Variants in PPIF observed in about 807,000 individuals in gnomAD.
PPIF encodes the protein peptidylprolyl isomerase F.
PPIF carries 23 observed loss-of-function variants against 20.2 expected under a neutral mutation model. The ratio of observed to expected loss-of-function variants is 1.14; its 90% CI spans 0.82 to 1.61. The LOEUF is 1.61. Ranked by LOEUF, PPIF falls within the 40% of genes most tolerant of loss-of-function variation. The probability of loss-of-function intolerance (pLI) is 0.00; values close to 1 mark genes in which losing one functional copy is unlikely to be tolerated. For missense variants in PPIF, 287 were observed against 291.6 expected (o/e 0.98, Z 0.11); for synonymous variants, 113 against 123.1 (o/e 0.92, Z 0.54).
chr10:79,347,566 C>T lies in PPIF; in HGVS notation c.18C>T (p.Cys6=). Residue 6 remains cysteine, a synonymous_variant, in exon 1 of 6, where the codon TGC becomes TGT. Transcript: ENST00000225174. ...CGCCCGCGATGCTGGCGCTGCGCTG[C>T]GGCTCCCGCTGGCTCGGCCTGCTCT... is the stretch of plus-strand genomic sequence containing the variant. MLALR[C]GSRWLGLLSV... is the part of the protein sequence containing the mutation. The T allele has an allele frequency of 7.4e-7, 1 of 1,351,166 alleles. No individual in the cohort carries two copies. The highest frequency in any genetic ancestry group is 1.8e-5 in the South Asian group (1 of 54,526). 83.7% of individuals were successfully genotyped at this position (1,351,166 alleles called of 1,614,324 possible).
Position 79,349,578 on chromosome 10 carries a change from G to T in PPIF, c.227-87G>T, listed in dbSNP as rs370126557. 6 of 1,578,118 alleles carry T rather than the reference G, an allele frequency of 3.8e-6. No individual in the cohort carries two copies. The East Asian group carries it at 6.9e-5, about 18-fold the overall frequency. ...TCTTTATCCCCCTGTTCACTGCTGG[G>T]GATGTAGCAGGGATTTTGGCTGGAA... On this transcript the variant is annotated intron_variant, in intron 2 of 5. Transcript: ENST00000225174.
chr10:79,347,808 G>A (rs1215017977), intron 1 of PPIF, 65 bp downstream of exon 1: 65 of 1,245,108 alleles, frequency 5.2e-5, no homozygotes, highest in Non-Finnish European at 6.2e-5. Context: ...CTGGGCCCCG[G>A]GCGGCGCGGT....
In PPIF at chr10:79,353,823, A is replaced by G; in HGVS notation, c.605A>G (p.Asp202Gly). 6.2e-7 allele frequency: 1 copy of G among 1,614,242 alleles called. No homozygotes were observed. Among genetic ancestry groups the G allele is most frequent in the Non-Finnish European group, 8.5e-7 (1 of 1,180,032 alleles). The stretch of plus-strand genomic sequence containing the variant: ...ACATCCAAGAAGATTGTCATCACAG[A>G]CTGTGGCCAGTTGAGCTAATCTGTG... ...GRTSKKIVIT[D>G]CGQLS The change falls in exon 6 of 6, where the codon GAC (aspartate) becomes GGC (glycine). Residue 202 changes from aspartate (D) to glycine (G), a missense_variant. Transcript: ENST00000225174.
Position 79,353,933 on chromosome 10 carries a change from AT to A in PPIF, c.*92del. The A allele has an allele frequency of 7.2e-7, 1 of 1,384,362 alleles. No individual in the cohort carries two copies. Among genetic ancestry groups the A allele is most frequent in the Non-Finnish European group, 1.0e-6 (1 of 1,002,108 alleles). 85.8% of individuals were successfully genotyped at this position (1,384,362 alleles called of 1,614,324 possible). A position where few individuals can be genotyped will look rare whatever the true frequency, so the allele number is the denominator to read the frequency against. ...GCTGTCAGCCAAGGTGCCTGAAACG[AT>A]ACGTGTGCCCACTCCACTGTCACAG... On this transcript the variant is annotated 3_prime_UTR_variant, in exon 6 of 6. Transcript: ENST00000225174.
intron 4 of PPIF, chr10:79,351,853 G>A (rs1170376669): frequency 4.6e-6 from 2 of 438,624 alleles, no homozygotes. Flanking sequence ...CTCCCTGTTT[G>A]TCCTCTGAGT....
intron 2 of PPIF, 102 bp from the exon 3 acceptor site, chr10:79,349,563 C>T (rs1855951080): frequency 1.3e-6 from 2 of 1,546,588 alleles, no homozygotes; most frequent in African/African-American, 1.4e-5. Context: ...TCTTTATCCC[C>T]CTGTTCACTG....
chr10:79,350,464 C>A (rs949483932), intron 3 of PPIF, among the ~76,000 whole-genome samples: 6 of 152,152 alleles, frequency 3.9e-5, no homozygotes, highest in Non-Finnish European at 7.4e-5. Context: ...TGAAGACCTT[C>A]CTGCCTGGAA....
chr10:79,351,562 A>G lies in PPIF; in HGVS notation c.391A>G (p.Thr131Ala). 10 of 1,614,060 alleles carry G rather than the reference A, an allele frequency of 6.2e-6. No individual in the cohort carries two copies. Among genetic ancestry groups the G allele is most frequent in the Non-Finnish European group, 8.5e-6 (10 of 1,179,922 alleles). ...AAGCCGCTTTCCTGACGAGAACTTT[A>G]CACTGAAGCACGTGGGGCCAGGTGA... ...YGSRFPDENFTLKHVGPGVLS... is the reference protein window; with the variant it reads ...YGSRFPDENFALKHVGPGVLS... The change falls in exon 4 of 6, where the codon ACA becomes GCA. Residue 131 changes from threonine (T) to alanine (A), a missense_variant. Physicochemically the swap from Thr to Ala is moderately conservative, Grantham distance 58. Transcript: ENST00000225174.
chr10:79,354,131 C>T lies in PPIF; in HGVS notation c.*289C>T, dbSNP rs1223877838. 2.3e-6 allele frequency: 1 copy of T among 432,006 alleles called. No individual in the cohort carries two copies. The highest frequency in any genetic ancestry group is 4.2e-6 in the Non-Finnish European group (1 of 235,808). 26.8% of individuals were successfully genotyped at this position (432,006 alleles called of 1,614,324 possible). A position where few individuals can be genotyped will look rare whatever the true frequency, so the allele number is the denominator to read the frequency against. ...TTGCCCAGCCCAGATTCATCTGTGC[C>T]TTGGACATGGTGATGGTGATGGGTT... On this transcript the variant is annotated 3_prime_UTR_variant, in exon 6 of 6. Transcript: ENST00000225174.
intron 1 of PPIF, among the ~76,000 whole-genome samples, chr10:79,348,807 G>T (rs1000075639): frequency 6.6e-6 from 1 of 152,196 alleles, no homozygotes; most frequent in Non-Finnish European, 1.5e-5. Flanking sequence ...TGCCAGCTGT[G>T]TCCACAGAAG....
At chr10:79,349,023 T>G in intron 1 of PPIF, 53 bp from the exon 2 acceptor site, 2 of 1,613,268 alleles carry the variant, frequency 1.2e-6, no homozygotes, top group Non-Finnish European at 8.5e-7. Flanking sequence ...GACACCCACC[T>G]TCACCTGCCT....
Position 79,354,975 on chromosome 10 carries a change from A to T in PPIF, c.*1133A>T, listed in dbSNP as rs1242373485. The T allele has an allele frequency of 6.6e-6, 1 of 152,362 alleles. No homozygotes were observed. Among genetic ancestry groups the T allele is most frequent in the Non-Finnish European group, 1.5e-5 (1 of 68,108 alleles). 9.4% of individuals were successfully genotyped at this position (152,362 alleles called of 1,614,324 possible). Reference sequence around the variant, plus strand: ...CCAAGTCTGTTTCCCTCAGCTGCATAAGGAGGCGATATAGTTTGAATATTT... The same window carrying T: ...CCAAGTCTGTTTCCCTCAGCTGCATTAGGAGGCGATATAGTTTGAATATTT... On this transcript the variant is annotated 3_prime_UTR_variant, in exon 6 of 6. Coordinates refer to ENST00000225174, the MANE Select transcript of PPIF (RefSeq NM_005729.4).
chr10:79,349,928 G>GC, intron 3 of PPIF, 175 bp downstream of exon 3: 8 of 1,380,050 alleles, frequency 5.8e-6, no homozygotes, highest in Non-Finnish European at 7.7e-6. Flanking sequence ...TGGAAGCCCA[G>GC]CCCCAACCCG....
chr10:79,350,085 C>T (rs2132151330), intron 3 of PPIF: 2 of 324,404 alleles, frequency 6.2e-6, no homozygotes, highest in South Asian at 3.1e-5. Flanking sequence ...CTGACCTTGT[C>T]CCCTGTGTGC....
chr10:79,348,975 G>T (rs1855939520), intron 1 of PPIF, 101 bp from the exon 2 acceptor site: 3 of 1,610,880 alleles, frequency 1.9e-6, no homozygotes, highest in Admixed American at 3.3e-5. Context: ...TTCTTCCTTA[G>T]CCTCCTTGGC....
intron 5 of PPIF, 100 bp downstream of exon 5, chr10:79,352,492 C>T (rs1855996861): frequency 3.2e-6 from 4 of 1,248,388 alleles, no homozygotes; most frequent in African/African-American, 1.5e-5. Context: ...GCCAGGCCTT[C>T]TGCTCTGGGA....
At chr10:79,348,559 G>T (rs1169821028) in intron 1 of PPIF, among the ~76,000 whole-genome samples, 1 of 152,168 alleles carries the variant, frequency 6.6e-6, no homozygotes, top group Non-Finnish European at 1.5e-5. Context: ...TTCATTCTCA[G>T]TTTCTTCTGG....
In PPIF at chr10:79,354,038, C is replaced by T. The variant is rs1856017297; in HGVS notation, c.*196C>T. On this transcript the variant is annotated 3_prime_UTR_variant, in exon 6 of 6. Transcript: ENST00000225174. ...TTGCTTCCTAATACCCACCCTTCCT[C>T]ACGACCTCATTTCTGGGCATCTTTG... 4.9e-6 allele frequency: 3 copies of T among 607,090 alleles called. No homozygotes were observed. The highest frequency in any genetic ancestry group is 3.1e-5 in the Admixed American group (1 of 32,512). 37.6% of individuals were successfully genotyped at this position (607,090 alleles called of 1,614,324 possible). A position where few individuals can be genotyped will look rare whatever the true frequency, so the allele number is the denominator to read the frequency against.
chr10:79,348,812 C>A (rs1221664912), intron 1 of PPIF, among the ~76,000 whole-genome samples: 1 of 152,186 alleles, frequency 6.6e-6, no homozygotes, highest in Non-Finnish European at 1.5e-5. Context: ...GCTGTGTCCA[C>A]AGAAGTAGGC....
Sources: gnomAD v4.1 joint callset for allele counts (sites outside exome capture counted in the v4.1 genomes callset) on GRCh38, gnomAD v4.1.1 for gene constraint, MANE v1.5 for transcripts, NCBI Gene and HGNC (gene_info 2026-07-23, HGNC 2026-07-21) for gene names.